NRG3: variants seen among roughly 807,000 people sequenced by gnomAD.
The protein encoded by NRG3 is neuregulin 3, also known as pro-neuregulin-3, membrane-bound isoform.
A neutral mutation model predicts 66.9 loss-of-function variants in NRG3; 31 were observed. That is an observed-to-expected ratio of 0.46 (90% CI 0.35 to 0.63). The LOEUF is 0.63. Among genes scored for constraint, NRG3 ranks in the 20% least tolerant of loss-of-function variants. The pLI is 0.00. For missense variants in NRG3, 910 were observed against 878.9 expected, an observed-to-expected ratio of 1.04 and a Z score of -0.45; for synonymous variants, 393 against 359.4, an observed-to-expected ratio of 1.09 and a Z score of -1.06.
At chr10:82,432,487 ATTTCTTCT>A (rs2089883921) in intron 2 of NRG3, among the ~76,000 whole-genome samples, 1 of 124,152 alleles carries the variant, frequency 8.1e-6, no homozygotes, top group Non-Finnish European at 1.7e-5. Context: ...TTTTTTCTGT[ATTTCTTCT>A]AAAAAAAAAA....
intron 1 of NRG3, among the ~76,000 whole-genome samples, chr10:82,105,666 C>T (rs2067014365): frequency 6.6e-6 from 1 of 152,176 alleles, no homozygotes; most frequent in Non-Finnish European, 1.5e-5. Context: ...TGAATACATA[C>T]ACTATCTGTC....
chr10:82,326,996 C>T (rs1231133945), intron 1 of NRG3, among the ~76,000 whole-genome samples: 2 of 152,138 alleles, frequency 1.3e-5, no homozygotes, highest in Admixed American at 1.3e-4. Context: ...AGGCTAGTAT[C>T]ATTAAAATTA....
chr10:82,019,366 A>G (rs1438452439), intron 1 of NRG3, among the ~76,000 whole-genome samples: 3 of 152,214 alleles, frequency 2.0e-5, no homozygotes, highest in Non-Finnish European at 2.9e-5. Context: ...TTTTGCATCA[A>G]TGTTCATCTG....
intron 1 of NRG3, among the ~76,000 whole-genome samples, chr10:81,903,601 G>A (rs1448696483): frequency 6.6e-6 from 1 of 152,106 alleles, no homozygotes; most frequent in South Asian, 2.1e-4. Context: ...CCGAGAACTC[G>A]TATATCATAT....
chr10:82,517,641 GTGTT>G (rs1222050092), intron 2 of NRG3, among the ~76,000 whole-genome samples: 2 of 89,862 alleles, frequency 2.2e-5, no homozygotes, highest in Admixed American at 2.1e-4. Flanking sequence ...CCCCCCGTGT[GTGTT>G]TGTGTGTGTG....
intron 1 of NRG3, among the ~76,000 whole-genome samples, chr10:82,236,710 CTTT>C (rs370359467): frequency 1.9e-4 from 18 of 93,508 alleles, no homozygotes; most frequent in Middle Eastern, 0.01. Flanking sequence ...AAAACTAGAA[CTTT>C]TTTTTTTTTT....
chr10:82,920,274 T>C (rs1287604878), intron 4 of NRG3, among the ~76,000 whole-genome samples: 1 of 152,132 alleles, frequency 6.6e-6, no homozygotes, highest in South Asian at 2.1e-4. Flanking sequence ...ATATCATATA[T>C]AGTATAATTG....
chr10:82,959,189 T>G (rs1850368762), intron 6 of NRG3, 114 bp downstream of exon 6: 2 of 1,240,272 alleles, frequency 1.6e-6, no homozygotes, highest in Non-Finnish European at 2.2e-6. Context: ...TTATAGGGTT[T>G]TGCTTAAATC....
At chr10:82,749,994 T>C (rs1367193869) in intron 3 of NRG3, among the ~76,000 whole-genome samples, 1 of 152,220 alleles carries the variant, frequency 6.6e-6, no homozygotes, top group Non-Finnish European at 1.5e-5. Flanking sequence ...TAACATCACA[T>C]GTGTCACTAG....
intron 3 of NRG3, among the ~76,000 whole-genome samples, chr10:82,824,787 G>A (rs184206415): frequency 1.3e-5 from 2 of 151,494 alleles, no homozygotes; most frequent in East Asian, 3.9e-4. Flanking sequence ...CATGATAATG[G>A]TTCACTTCAG....
chr10:82,648,442 GC>G (rs2051135932), intron 2 of NRG3, among the ~76,000 whole-genome samples: 1 of 152,094 alleles, frequency 6.6e-6, no homozygotes. Flanking sequence ...GTAGTGTGAT[GC>G]CCTCCAGCTT....
chr10:82,276,028 A>G (rs933667815), intron 1 of NRG3, among the ~76,000 whole-genome samples: 4 of 152,168 alleles, frequency 2.6e-5, no homozygotes. Flanking sequence ...GAACATACTC[A>G]TACATACTGT....
chr10:82,276,415 G>T (rs1254945448), intron 1 of NRG3, among the ~76,000 whole-genome samples: 1 of 151,940 alleles, frequency 6.6e-6, no homozygotes, highest in African/African-American at 2.4e-5. Context: ...TGAAGGAAAA[G>T]GAATTTTTGT....
chr10:82,365,428 T>A (rs917452485), intron 2 of NRG3, among the ~76,000 whole-genome samples: 1 of 152,174 alleles, frequency 6.6e-6, no homozygotes, highest in Non-Finnish European at 1.5e-5. Context: ...CAGACATAAT[T>A]TAAGTAATTT....
At chr10:82,533,534 T>C (rs1217956630) in intron 2 of NRG3, among the ~76,000 whole-genome samples, 1 of 152,152 alleles carries the variant, frequency 6.6e-6, no homozygotes, top group Non-Finnish European at 1.5e-5. Context: ...CCAACACTAT[T>C]TGTTAAAAAG....
At chr10:82,460,345 G>T (rs903836364) in intron 2 of NRG3, among the ~76,000 whole-genome samples, 15 of 152,126 alleles carry the variant, frequency 9.9e-5, no homozygotes, top group South Asian at 8.3e-4. Context: ...GTAAAATAAA[G>T]AAACTGATAG....
chr10:82,808,178 C>G (rs1235187621), intron 3 of NRG3, among the ~76,000 whole-genome samples: 1 of 146,204 alleles, frequency 6.8e-6, no homozygotes, highest in African/African-American at 2.5e-5. Context: ...GCCCCTCAAA[C>G]ATAATTTCTA....
At chr10:82,250,029 CA>C (rs2077412185) in intron 1 of NRG3, among the ~76,000 whole-genome samples, 1 of 152,136 alleles carries the variant, frequency 6.6e-6, no homozygotes, top group African/African-American at 2.4e-5. Context: ...ACTTCCTCTC[CA>C]GAGGTCCTGG....
intron 2 of NRG3, among the ~76,000 whole-genome samples, chr10:82,461,485 A>C (rs940921885): frequency 2.6e-5 from 4 of 152,082 alleles, no homozygotes; most frequent in African/African-American, 9.7e-5. Flanking sequence ...CTGTTTCCAC[A>C]TTCTTATCAT....
Sources: gnomAD v4.1 joint callset for allele counts (sites outside exome capture counted in the v4.1 genomes callset) on GRCh38, gnomAD v4.1.1 for gene constraint, MANE v1.5 for transcripts, NCBI Gene and HGNC (gene_info 2026-07-23, HGNC 2026-07-21) for gene names.